PRUNE2: variants seen among roughly 807,000 people sequenced by gnomAD.
The protein encoded by PRUNE2 is protein prune homolog 2.
PRUNE2 carries 164 observed loss-of-function variants against 252.0 expected under a neutral mutation model. The ratio of observed to expected loss-of-function variants is 0.65; its 90% CI spans 0.57 to 0.74. The LOEUF (loss-of-function observed/expected upper bound fraction) is 0.74. Ranked by LOEUF, PRUNE2 falls within the 30% of genes least tolerant of loss-of-function variation. The pLI is 0.00. For missense variants in PRUNE2, 3,495 were observed against 3,711.0 expected (o/e 0.94, Z 1.51); for synonymous variants, 1,292 against 1,350.2 (o/e 0.96, Z 0.94).
chr9:76,667,854 C>T (rs2040494800), intron 9 of PRUNE2, among the ~76,000 whole-genome samples: 1 of 152,176 alleles, frequency 6.6e-6, no homozygotes, highest in Non-Finnish European at 1.5e-5. Context: ...GTTGTCCTAG[C>T]ACAAACGTAG....
At position 76,620,140 on chromosome 9, in the gene PRUNE2, A is replaced by ATTT. The variant is rs59150159; in HGVS notation, c.9189-756_9189-754dup. On this transcript the variant is annotated intron_variant, in intron 17 of 18. Transcript: ENST00000376718. ...CCTCAACTTTTATACCCCTCCCATA[A>ATTT]TTTTTTTTTTTTTTTTTGAGACAGA... Among the ~76,000 whole-genome samples, 39 of 127,148 alleles carry ATTT rather than the reference A, an allele frequency of 3.1e-4. No homozygotes were observed. In the South Asian group the frequency reaches 8.2e-3, roughly 27 times the overall value. 83.4% of individuals were successfully genotyped at this position (127,148 alleles called of 152,430 possible).
chr9:76,663,761 T>C (rs988329110), intron 9 of PRUNE2, among the ~76,000 whole-genome samples: 3 of 152,226 alleles, frequency 2.0e-5, no homozygotes, highest in African/African-American at 7.2e-5. Context: ...GATGGATGCA[T>C]GGAGAATTCT....
chr9:76,616,408 A>G (rs374809942), intron 18 of PRUNE2, among the ~76,000 whole-genome samples: 3 of 152,236 alleles, frequency 2.0e-5, no homozygotes, highest in Non-Finnish European at 4.4e-5. Context: ...TTTTTCCCAT[A>G]GATGAAGAGA....
At chr9:76,880,054 C>A (rs1365421990) in intron 1 of PRUNE2, among the ~76,000 whole-genome samples, 1 of 151,212 alleles carries the variant, frequency 6.6e-6, no homozygotes, top group Non-Finnish European at 1.5e-5. Flanking sequence ...GCTGGGACTA[C>A]AGGCACGCGC....
intron 6 of PRUNE2, among the ~76,000 whole-genome samples, chr9:76,822,853 C>T (rs1401494853): frequency 6.6e-6 from 1 of 151,648 alleles, no homozygotes; most frequent in East Asian, 1.9e-4. Flanking sequence ...TTCTAAAAAC[C>T]AAAACACAAA....
Position 76,708,003 on chromosome 9 carries a change from A to C in PRUNE2, c.4271T>G (p.Leu1424Arg). The C allele has an allele frequency of 6.2e-7, 1 of 1,613,960 alleles. No homozygotes were observed. The highest frequency in any genetic ancestry group is 8.5e-7 in the Non-Finnish European group (1 of 1,179,872). ...DVQTGMSADNLQPKDTHEKHL... is the reference protein window; with the variant it reads ...DVQTGMSADNRQPKDTHEKHL... ...TTTTTCATGGGTATCTTTTGGCTGC[A>C]GGTTATCTGCGGACATCCCTGTTTG... is the stretch of plus-strand genomic sequence containing the variant. The change falls in exon 8 of 19, where the codon CTG (leucine) becomes CGG (arginine). Residue 1424 changes from leucine to arginine, a missense_variant. Coordinates refer to ENST00000376718, the MANE Select transcript of PRUNE2 (RefSeq NM_015225.3).
At chr9:76,861,593 T>C (rs2060550684) in intron 1 of PRUNE2, among the ~76,000 whole-genome samples, 1 of 152,164 alleles carries the variant, frequency 6.6e-6, no homozygotes, top group Non-Finnish European at 1.5e-5. Flanking sequence ...CCTGGAGCAC[T>C]GGACATCAAC....
chr9:76,801,632 A>T (rs2056563658), intron 6 of PRUNE2, among the ~76,000 whole-genome samples: 1 of 152,212 alleles, frequency 6.6e-6, no homozygotes, highest in African/African-American at 2.4e-5. Flanking sequence ...GTTAAAAAAA[A>T]GTTTAAAGGT....
intron 6 of PRUNE2, among the ~76,000 whole-genome samples, chr9:76,821,092 T>A (rs977022200): frequency 6.6e-6 from 1 of 152,160 alleles, no homozygotes; most frequent in Non-Finnish European, 1.5e-5. Context: ...AGATCTAATG[T>A]AAAGAGTGAA....
At chr9:76,860,021 G>T (rs2060464993) in intron 1 of PRUNE2, among the ~76,000 whole-genome samples, 1 of 152,108 alleles carries the variant, frequency 6.6e-6, no homozygotes, top group African/African-American at 2.4e-5. Context: ...GTTTTTCAGG[G>T]TACTTTAGTG....
In PRUNE2 at chr9:76,703,531, T is replaced by C. The variant is rs752242474; in HGVS notation, c.8082A>G (p.Pro2694=). ...ESLALEEASG[P]VSQSQKSKSR... is the part of the protein sequence containing the mutation. Reference sequence around the variant, plus strand: ...TCTTACTCTTCTGTGATTGGCTGACTGGACCAGAGGCTTCCTCTAGTGCCA... The same window carrying C: ...TCTTACTCTTCTGTGATTGGCTGACCGGACCAGAGGCTTCCTCTAGTGCCA... The change falls in exon 9 of 19, where the codon CCA becomes CCG. Residue 2694 remains proline, a synonymous_variant. Coordinates refer to ENST00000376718, the MANE Select transcript of PRUNE2 (RefSeq NM_015225.3). 2 of 1,613,810 alleles carry C rather than the reference T, an allele frequency of 1.2e-6. No homozygotes were observed. Among genetic ancestry groups the C allele is most frequent in the Admixed American group, 3.3e-5 (2 of 59,986 alleles).
At position 76,612,712 on chromosome 9, in the gene PRUNE2, G is replaced by C. The variant is rs1022774703; in HGVS notation, c.*1858C>G. 2 of 152,318 alleles carry C rather than the reference G, an allele frequency of 1.3e-5. No homozygotes were observed. Among genetic ancestry groups the C allele is most frequent in the African/African-American group, 4.8e-5 (2 of 41,432 alleles). The allele number at this position is 152,318 out of a possible 1,614,324, so 9.4% of individuals were successfully genotyped here. On this transcript the variant is annotated 3_prime_UTR_variant, in exon 19 of 19. Transcript: ENST00000376718. ...CAAGAGGAGAAAAGAGAAAACGATG[G>C]AGGCTTATGGAGGAAAGAGGGCTGA...
At position 76,767,491 on chromosome 9, in the gene PRUNE2, A is replaced by G. The variant is rs549422293; in HGVS notation, c.757-53770T>C. Reference sequence around the variant, plus strand: ...AGAAAGAAAAAAGCACAGATTCTTTATTTTCCTTGCTTTCCACTTCTTCCT... The same window carrying G: ...AGAAAGAAAAAAGCACAGATTCTTTGTTTTCCTTGCTTTCCACTTCTTCCT... On this transcript the variant is annotated intron_variant, in intron 6 of 18. Coordinates refer to ENST00000376718, the MANE Select transcript of PRUNE2 (RefSeq NM_015225.3). Among the ~76,000 whole-genome samples, 342 of 151,864 alleles carry G rather than the reference A, an allele frequency of 2.3e-3. 2 individuals carry two copies. The South Asian group carries it at 0.028, about 13-fold the overall frequency.
rs140252491 is a variant in PRUNE2, at chr9:76,822,648, A to T, written c.756+984T>A. Among the ~76,000 whole-genome samples, 1,183 of 152,238 alleles carry T rather than the reference A, an allele frequency of 7.8e-3. 9 individuals are homozygous for T. Among genetic ancestry groups the T allele is most frequent in the Middle Eastern group, 0.058 (17 of 294 alleles). On this transcript the variant is annotated intron_variant, in intron 6 of 18. Coordinates refer to ENST00000376718, the MANE Select transcript of PRUNE2 (RefSeq NM_015225.3). ...TATGGTGAAACCCTGTCTCTACTAAAATACAAAAATTAGCCAGGAGTGGTG... is the reference window on the plus strand; with the variant it reads ...TATGGTGAAACCCTGTCTCTACTAATATACAAAAATTAGCCAGGAGTGGTG...
At position 76,768,577 on chromosome 9, in the gene PRUNE2, A is replaced by ATG. The variant is rs879821167; in HGVS notation, c.757-54857_757-54856insCA. ...TATCTTTGGGTTGATATATATATGT[A>ATG]TATGTATGTGTGTGTGTGTGTGTGT... On this transcript the variant is annotated intron_variant, in intron 6 of 18. Coordinates refer to ENST00000376718, the MANE Select transcript of PRUNE2 (RefSeq NM_015225.3). 5.4e-3 allele frequency among the ~76,000 whole-genome samples: 530 copies of ATG among 98,132 alleles called. 1 individual carries two copies. The highest frequency in any genetic ancestry group is 0.014 in the African/African-American group (426 of 30,512). The allele number at this position is 98,132 out of a possible 152,430, so 64.4% of individuals were successfully genotyped here.
chr9:76,628,451 T>A (rs1835928698), intron 16 of PRUNE2, among the ~76,000 whole-genome samples: 1 of 152,120 alleles, frequency 6.6e-6, no homozygotes, highest in Non-Finnish European at 1.5e-5. Context: ...AGAGAAAGAG[T>A]TATTTCTTTC....
rs779724811 is a variant in PRUNE2 at position 76,704,994 on chromosome 9, G to A, written c.7280C>T (p.Ala2427Val). Residue 2427 changes from alanine (A) to valine (V), a missense_variant, in exon 8 of 19, where the codon GCA becomes GTA. Coordinates refer to ENST00000376718, the MANE Select transcript of PRUNE2 (RefSeq NM_015225.3). ...PEDESLGCRA[A>V]EIVLSALPDR... ...AGGAAGTGCAGAAAGCACTATCTCT[G>A]CTGCTCTGCATCCCAGAGATTCATC... The A allele has an allele frequency of 6.2e-6, 10 of 1,613,786 alleles. No homozygotes were observed. The highest frequency in any genetic ancestry group is 7.6e-6 in the Non-Finnish European group (9 of 1,179,782).
At chr9:76,770,783 C>T (rs2053008973) in intron 6 of PRUNE2, among the ~76,000 whole-genome samples, 1 of 152,070 alleles carries the variant, frequency 6.6e-6, no homozygotes, top group Non-Finnish European at 1.5e-5. Context: ...AAAATCATTC[C>T]AAATAGCAAA....
intron 6 of PRUNE2, among the ~76,000 whole-genome samples, chr9:76,774,460 T>TATTTATTTATTTTTTTTTTTA (rs1564272674): frequency 1.4e-5 from 2 of 138,580 alleles, no homozygotes; most frequent in African/African-American, 2.7e-5. Flanking sequence ...CTTTTTTTTT[T>TATTTATTTATTTTTTTTTTTA]TTTTTTTTTT....
Sources: allele counts gnomAD v4.1 joint callset (sites outside exome capture counted in the v4.1 genomes callset), GRCh38; gene constraint gnomAD v4.1.1; transcripts MANE v1.5; gene names NCBI Gene and HGNC (gene_info 2026-07-23, HGNC 2026-07-21).